The following BMPR1B variants were observed in gnomAD, a reference collection of about 807,000 sequenced individuals.
The protein encoded by BMPR1B is bone morphogenetic protein receptor type-1B.
In BMPR1B, 12 loss-of-function variants were observed where a neutral mutation model predicts 59.1. That is an observed-to-expected ratio of 0.20 (90% CI 0.13 to 0.33). The LOEUF is 0.33. Among genes scored for constraint, BMPR1B ranks in the 10% least tolerant of loss-of-function variants. The pLI, the probability that BMPR1B is intolerant of heterozygous loss-of-function variation, is 1.00. For synonymous variants in BMPR1B, 237 were observed against 207.3 expected (o/e 1.14, Z -1.23); for missense variants, 550 against 610.9 (o/e 0.90, Z 1.05).
intron 3 of BMPR1B, among the ~76,000 whole-genome samples, chr4:95,023,073 A>G (rs996448342): frequency 3.3e-5 from 5 of 152,130 alleles, no homozygotes; most frequent in African/African-American, 4.8e-5. Context: ...AATTGCCACT[A>G]CCTTTATTTT....
chr4:94,761,468 G>T (rs1178596534), intron 1 of BMPR1B, among the ~76,000 whole-genome samples: 1 of 148,312 alleles, frequency 6.7e-6, no homozygotes. Flanking sequence ...TGTGTTGAAG[G>T]GGGTTAGGGA....
At chr4:95,066,131 A>G (rs1425276473) in intron 3 of BMPR1B, among the ~76,000 whole-genome samples, 1 of 152,176 alleles carries the variant, frequency 6.6e-6, no homozygotes, top group Non-Finnish European at 1.5e-5. Context: ...CTCACAGAAT[A>G]AAAGATTCTC....
intron 1 of BMPR1B, among the ~76,000 whole-genome samples, chr4:94,777,682 GGC>G (rs1487259410): frequency 2.0e-5 from 3 of 152,002 alleles, no homozygotes; most frequent in Non-Finnish European, 4.4e-5. Flanking sequence ...GCAGAGATTG[GGC>G]CAGAAAACAG....
chr4:95,110,287 C>T (rs1731537547), intron 4 of BMPR1B, among the ~76,000 whole-genome samples: 1 of 151,892 alleles, frequency 6.6e-6, no homozygotes, highest in African/African-American at 2.4e-5. Context: ...TATACTAATG[C>T]TGGTTGAATG....
At chr4:94,867,854 CT>C (rs1169625363) in intron 1 of BMPR1B, among the ~76,000 whole-genome samples, 2 of 150,806 alleles carry the variant, frequency 1.3e-5, no homozygotes, top group Middle Eastern at 3.2e-3. Context: ...ATCACCGTTT[CT>C]TTTTTTTTGG....
chr4:94,987,689 A>G (rs1410179835), intron 2 of BMPR1B, among the ~76,000 whole-genome samples: 1 of 150,182 alleles, frequency 6.7e-6, no homozygotes, highest in Non-Finnish European at 1.5e-5. Context: ...CACTTTTTTG[A>G]CCCCCCCTCG....
At chr4:94,916,106 CTCTTT>C (rs748013796) in intron 2 of BMPR1B, among the ~76,000 whole-genome samples, 45 of 152,266 alleles carry the variant, frequency 3.0e-4, no homozygotes, top group Admixed American at 7.2e-4. Flanking sequence ...CTGGTTAAAC[CTCTTT>C]TCTTTGTAAA....
At chr4:95,139,007 T>G (rs529101556) in intron 10 of BMPR1B, among the ~76,000 whole-genome samples, 7 of 152,358 alleles carry the variant, frequency 4.6e-5, no homozygotes, top group African/African-American at 1.4e-4. Flanking sequence ...TTTAGAATTT[T>G]CAGCTTTCTT....
At chr4:94,958,585 A>T (rs1006586516) in intron 2 of BMPR1B, among the ~76,000 whole-genome samples, 1 of 152,046 alleles carries the variant, frequency 6.6e-6, no homozygotes, top group African/African-American at 2.4e-5. Context: ...TGGGTTAGGG[A>T]CCACCCTAAC....
In BMPR1B at chr4:95,115,899, C is replaced by T. The variant is rs574202556; in HGVS notation, c.349+112C>T. On this transcript the variant is annotated intron_variant, in intron 6 of 12. Coordinates refer to ENST00000515059, the MANE Select transcript of BMPR1B (RefSeq NM_001203.3). ...CCTGTACCACTTTCCACTGCTGGAG[C>T]AGAGCACTGAGGCCAGATGACATGG... 9 of 975,242 alleles carry T rather than the reference C, an allele frequency of 9.2e-6. No individual in the cohort carries two copies. In the East Asian group the frequency reaches 1.5e-4, roughly 16 times the overall value. 60.4% of individuals were successfully genotyped at this position (975,242 alleles called of 1,614,324 possible).
In BMPR1B at chr4:95,131,424, C is replaced by T. The variant is rs1177728492; in HGVS notation, c.988C>T (p.His330Tyr). Residue 330 changes from histidine (H) to tyrosine (Y), a missense_variant, in exon 10 of 13, where the codon CAT (histidine) becomes TAT (tyrosine). His to Tyr is a moderately conservative substitution (Grantham distance 83). This residue lies in a region of BMPR1B where 318 missense variants were observed against 284.6 expected (regional missense o/e 1.12). Transcript: ENST00000515059. ...FSTQGKPAIA[H>Y]RDLKSKNILV... is the part of the protein sequence containing the mutation. ...TACTCAAGGCAAACCAGCAATTGCCCATCGAGATCTGAAAAGTAAAAACAT... is the reference window on the plus strand; with the variant it reads ...TACTCAAGGCAAACCAGCAATTGCCTATCGAGATCTGAAAAGTAAAAACAT... 2 of 1,613,886 alleles carry T rather than the reference C, an allele frequency of 1.2e-6. No homozygotes were observed. The highest frequency in any genetic ancestry group is 1.3e-5 in the African/African-American group (1 of 74,880).
intron 3 of BMPR1B, 82 bp from the exon 4 acceptor site, chr4:95,104,326 T>G (rs1166948541): frequency 2.1e-6 from 3 of 1,442,180 alleles, no homozygotes; most frequent in African/African-American, 2.8e-5. Flanking sequence ...CATTTTAAAA[T>G]GTAATCTCAT....
chr4:94,834,867 C>T (rs989600996), intron 1 of BMPR1B, among the ~76,000 whole-genome samples: 5 of 151,450 alleles, frequency 3.3e-5, no homozygotes, highest in African/African-American at 1.2e-4. Flanking sequence ...TTCTTTCCTA[C>T]TTCTTGAACC....
chr4:94,820,061 A>C (rs1560500105), intron 1 of BMPR1B, among the ~76,000 whole-genome samples: 1 of 152,184 alleles, frequency 6.6e-6, no homozygotes, highest in Non-Finnish European at 1.5e-5. Flanking sequence ...ATTTATTATC[A>C]GTCTCAACTA....
intron 2 of BMPR1B, among the ~76,000 whole-genome samples, chr4:94,942,972 G>A (rs1196149095): frequency 6.6e-6 from 1 of 152,174 alleles, no homozygotes; most frequent in South Asian, 2.1e-4. Context: ...AGGCACTGCA[G>A]TATCTTCAGT....
chr4:94,989,385 C>G (rs1466431563), intron 2 of BMPR1B, among the ~76,000 whole-genome samples: 1 of 43,130 alleles, frequency 2.3e-5, no homozygotes. Context: ...GAGACTCCGT[C>G]TAAAAAAAAA....
At chr4:94,774,006 CTTA>C (rs1722279265) in intron 1 of BMPR1B, among the ~76,000 whole-genome samples, 2 of 151,956 alleles carry the variant, frequency 1.3e-5, no homozygotes, top group South Asian at 2.1e-4. Flanking sequence ...CTGATACGTG[CTTA>C]TTATTTTCAG....
chr4:94,812,022 A>G (rs191315735), intron 1 of BMPR1B, among the ~76,000 whole-genome samples: 73 of 152,318 alleles, frequency 4.8e-4, no homozygotes, highest in African/African-American at 1.4e-3. Flanking sequence ...TGTTGTAGAA[A>G]TGATAGAAAC....
chr4:94,938,216 G>C (rs1276825612), intron 2 of BMPR1B, among the ~76,000 whole-genome samples: 2 of 152,092 alleles, frequency 1.3e-5, no homozygotes, highest in East Asian at 3.9e-4. Flanking sequence ...TGGTGTCCAT[G>C]GTTTTTAACT....
Sources: allele counts gnomAD v4.1 joint callset (sites outside exome capture counted in the v4.1 genomes callset), GRCh38; gene constraint gnomAD v4.1.1; regional missense constraint gnomAD v4.1.1; transcripts MANE v1.5; gene names NCBI Gene and HGNC (gene_info 2026-07-23, HGNC 2026-07-21).